The following CLEC12B variants were observed in gnomAD, a reference collection of about 807,000 sequenced individuals.
The protein encoded by CLEC12B is macrophage antigen h.
A neutral mutation model predicts 36.1 loss-of-function variants in CLEC12B; 25 were observed. The ratio of observed to expected loss-of-function variants is 0.69; its 90% CI spans 0.50 to 0.97. The LOEUF (loss-of-function observed/expected upper bound fraction) is 0.97. Among genes scored for constraint, CLEC12B ranks in the 50% least tolerant of loss-of-function variants. The pLI is 0.00. For missense variants in CLEC12B, 325 were observed against 318.4 expected, an observed-to-expected ratio of 1.02 and a Z score of -0.16; for synonymous variants, 110 against 108.5, an observed-to-expected ratio of 1.01 and a Z score of -0.09.
chr12:10,008,973 C>T (rs931887567), upstream of CLEC12B, among the ~76,000 whole-genome samples: 9 of 152,118 alleles, frequency 5.9e-5, no homozygotes, highest in African/African-American at 1.7e-4. Flanking sequence ...GATTGTAAAA[C>T]GCACCAATCA....
chr12:10,007,005 A>C (rs1865236983), upstream of CLEC12B, among the ~76,000 whole-genome samples: 2 of 152,058 alleles, frequency 1.3e-5, no homozygotes, highest in Non-Finnish European at 2.9e-5. Context: ...CAGTGAGCCG[A>C]GATCGCGCCA....
chr12:10,011,850 T>C (rs1267550259), intron 1 of CLEC12B, among the ~76,000 whole-genome samples: 1 of 152,200 alleles, frequency 6.6e-6, no homozygotes, highest in South Asian at 2.1e-4. Context: ...TTTTGCCTTG[T>C]TTTGTTTTAC....
chr12:10,009,903 A>G (rs969100710), upstream of CLEC12B, among the ~76,000 whole-genome samples: 2 of 151,670 alleles, frequency 1.3e-5, no homozygotes, highest in Admixed American at 6.6e-5. Flanking sequence ...CTCCCCCCCC[A>G]TATTTTCCTG....
intron 3 of CLEC12B, among the ~76,000 whole-genome samples, chr12:10,015,003 ATGT>A (rs1733076667): frequency 6.6e-6 from 1 of 152,338 alleles, no homozygotes; most frequent in South Asian, 2.1e-4. Flanking sequence ...CTAGGTGATC[ATGT>A]TGCTCTGAAA....
At chr12:10,008,106 G>A (rs965882485), upstream of CLEC12B, among the ~76,000 whole-genome samples, 2 of 152,230 alleles carry the variant, frequency 1.3e-5, no homozygotes, top group East Asian at 1.9e-4. Flanking sequence ...CTAGTGCAGT[G>A]CTGTTCAATA....
At chr12:10,012,113 CATTCAGTATTCAT>C (rs1365684303) in intron 1 of CLEC12B, among the ~76,000 whole-genome samples, 2 of 152,164 alleles carry the variant, frequency 1.3e-5, no homozygotes, top group Non-Finnish European at 2.9e-5. Flanking sequence ...TTCCTTCTTT[CATTCAGTATTCAT>C]TCATTATTTA....
intron 2 of CLEC12B, chr12:10,013,098 C>T (rs1277244219): frequency 3.7e-6 from 2 of 541,858 alleles, no homozygotes; most frequent in Non-Finnish European, 6.5e-6. Flanking sequence ...TCTTGATAAG[C>T]TAAACTGGAC....
At chr12:10,006,911 C>G (rs942150885), upstream of CLEC12B, among the ~76,000 whole-genome samples, 2 of 151,654 alleles carry the variant, frequency 1.3e-5, no homozygotes, top group Admixed American at 6.6e-5. Flanking sequence ...AAAAATTAGC[C>G]GGGCGGGGTG....
At chr12:10,017,221 C>T (rs192389350) in intron 5 of CLEC12B, 8 of 984,996 alleles carry the variant, frequency 8.1e-6, no homozygotes, top group Middle Eastern at 5.2e-4. Context: ...TTTGGTTTCA[C>T]ACTAATAATA....
intron 5 of CLEC12B, chr12:10,015,969 A>G: frequency 1.6e-6 from 2 of 1,246,666 alleles, no homozygotes; most frequent in Non-Finnish European, 1.0e-6. Flanking sequence ...ACACACACCT[A>G]ATACTACATT....
intron 1 of CLEC12B, among the ~76,000 whole-genome samples, chr12:10,011,486 A>G (rs1865326329): frequency 6.6e-6 from 1 of 151,754 alleles, no homozygotes; most frequent in African/African-American, 2.4e-5. Context: ...TCCATTACAT[A>G]GATGAAAAAA....
intron 2 of CLEC12B, 152 bp downstream of exon 2, chr12:10,013,035 C>A (rs1400376092): frequency 3.1e-6 from 2 of 646,294 alleles, no homozygotes; most frequent in Non-Finnish European, 5.4e-6. Flanking sequence ...CATATCTTCC[C>A]AAAAAACCGG....
At chr12:10,017,455 G>A in intron 5 of CLEC12B, 1 of 985,324 alleles carries the variant, frequency 1.0e-6, no homozygotes, top group South Asian at 4.7e-5. Context: ...AATCATTCTT[G>A]GCCTCTCTAC....
In CLEC12B at chr12:10,015,830, A is replaced by G. The variant is rs1865473244; in HGVS notation, c.680+103A>G. The G allele has an allele frequency of 3.2e-6, 5 of 1,547,684 alleles. No homozygotes were observed. In the East Asian group the frequency reaches 1.1e-4, roughly 35 times the overall value. On this transcript the variant is annotated intron_variant, in intron 5 of 5. Coordinates refer to ENST00000338896, the MANE Select transcript of CLEC12B (RefSeq NM_001129998.3). ...TAAATACAGACATAAAAAGAGGAGT[A>G]CAACATACTGAGAAAAGAGCTCCAG...
intron 5 of CLEC12B, chr12:10,017,171 AT>A: frequency 2.0e-6 from 2 of 985,270 alleles, no homozygotes; most frequent in African/African-American, 1.7e-5. Flanking sequence ...CTAATCCCCC[AT>A]TCTCTAATCA....
At chr12:10,007,465 G>A (rs187307613), upstream of CLEC12B, among the ~76,000 whole-genome samples, 310 of 152,250 alleles carry the variant, frequency 2.0e-3, 1 homozygote, top group Non-Finnish European at 3.8e-3. Flanking sequence ...ATATACTGAT[G>A]TAGCTGTTTT....
At chr12:10,009,093 G>A (rs1304880399), upstream of CLEC12B, among the ~76,000 whole-genome samples, 3 of 152,204 alleles carry the variant, frequency 2.0e-5, no homozygotes, top group Non-Finnish European at 4.4e-5. Context: ...TGATACGACA[G>A]AAACGGAACA....
At chr12:10,013,679 T>TGC (rs1286206844) in intron 2 of CLEC12B, among the ~76,000 whole-genome samples, 2 of 152,210 alleles carry the variant, frequency 1.3e-5, no homozygotes, top group Non-Finnish European at 2.9e-5. Flanking sequence ...ACATCTCCTC[T>TGC]GCTACATTCA....
rs1207948568 is a variant in CLEC12B at position 10,014,447 on chromosome 12, TG to T, written c.191-75del. On this transcript the variant is annotated intron_variant, in intron 2 of 5. Coordinates refer to ENST00000338896, the MANE Select transcript of CLEC12B (RefSeq NM_001129998.3). ...TAATAAATCTTGAACAATTAAGAAA[TG>T]TTTCTGTCACGAGAATTATCTACAG... The T allele has an allele frequency of 6.7e-6, 7 of 1,050,246 alleles. No homozygotes were observed. In the Admixed American group the frequency reaches 1.5e-4, roughly 23 times the overall value. The allele number at this position is 1,050,246 out of a possible 1,614,324, so 65.1% of individuals were successfully genotyped here.
Sources: gnomAD v4.1 joint callset for allele counts (sites outside exome capture counted in the v4.1 genomes callset) on GRCh38, gnomAD v4.1.1 for gene constraint, MANE v1.5 for transcripts, NCBI Gene and HGNC (gene_info 2026-07-23, HGNC 2026-07-21) for gene names.